The following CCT3 variants were observed in gnomAD, a reference collection of about 807,000 sequenced individuals.
The protein encoded by CCT3 is chaperonin containing TCP1 subunit 3.
Under a neutral mutation model 65.3 loss-of-function variants are expected in CCT3, and 10 were observed. That is an observed-to-expected ratio of 0.15 (90% CI 0.09 to 0.26). The LOEUF is 0.26. CCT3 is among the 10% of genes least tolerant of loss of function. The probability of loss-of-function intolerance (pLI) is 1.00; values close to 1 mark genes in which losing one functional copy is unlikely to be tolerated. For synonymous variants in CCT3, 225 were observed against 242.3 expected (o/e 0.93, Z 0.66); for missense variants, 626 against 708.7 (o/e 0.88, Z 1.33).
Position 156,320,890 on chromosome 1 carries a change from C to G in CCT3, c.558G>C (p.Glu186Asp). ...TGTCAATCTCTTTCCGACCATTCTC[C>G]TCAAACTGTACCATCTTGACAGCAT... is the stretch of plus-strand genomic sequence containing the variant. Reference protein sequence around the residue: ...ALDAVKMVQFEENGRKEIDIK... With the variant: ...ALDAVKMVQFDENGRKEIDIK... Residue 186 changes from glutamate to aspartate, a missense_variant, in exon 7 of 14, where the codon GAG (glutamate) becomes GAC (aspartate). Physicochemically the swap from Glu to Asp is conservative, Grantham distance 45. Transcript: ENST00000295688. 6.2e-7 allele frequency: 1 copy of G among 1,613,870 alleles called. No homozygotes were observed. The highest frequency in any genetic ancestry group is 8.5e-7 in the Non-Finnish European group (1 of 1,179,838).
At chr1:156,310,738 T>C (rs1329540603) in intron 12 of CCT3, 49 bp from the exon 13 acceptor site, 1 of 1,603,560 alleles carries the variant, frequency 6.2e-7, no homozygotes, top group Middle Eastern at 1.7e-4. Flanking sequence ...ACAGGAAACA[T>C]CAGGTAAGAA....
chr1:156,320,351 T>C (rs961585795), intron 7 of CCT3, among the ~76,000 whole-genome samples: 1 of 152,150 alleles, frequency 6.6e-6, no homozygotes, highest in Non-Finnish European at 1.5e-5. Flanking sequence ...GAGGCTACAG[T>C]GAGCCGAGAT....
At position 156,312,483 on chromosome 1, in the gene CCT3, G is replaced by C. The variant is rs149458251; in HGVS notation, c.975-262C>G. 2.2e-3 allele frequency among the ~76,000 whole-genome samples: 342 copies of C among 152,112 alleles called. 2 individuals carry two copies. The highest frequency in any genetic ancestry group is 7.8e-3 in the African/African-American group (322 of 41,492). ...GAGACCAGCCCGGGCAACATAACAA[G>C]ACTCTGTCTCTACAAAAAATAAAAA... On this transcript the variant is annotated intron_variant, in intron 10 of 13. Transcript: ENST00000295688.
chr1:156,335,068 A>C, intron 2 of CCT3, 150 bp from the exon 3 acceptor site: 2 of 638,802 alleles, frequency 3.1e-6, no homozygotes, highest in Non-Finnish European at 5.2e-6. Flanking sequence ...ATGGGGTCTC[A>C]CCATGTTGCT....
intron 8 of CCT3, among the ~76,000 whole-genome samples, chr1:156,317,975 G>C (rs1664383240): frequency 6.6e-6 from 1 of 152,076 alleles, no homozygotes; most frequent in South Asian, 2.1e-4. Flanking sequence ...GCCTCCCAAA[G>C]TGCTGGGATT....
rs58926932 is a variant in CCT3 at position 156,313,350 on chromosome 1, G to GAAAAAAA, written c.975-1136_975-1130dup. On this transcript the variant is annotated intron_variant, in intron 10 of 13. Coordinates refer to ENST00000295688, the MANE Select transcript of CCT3 (RefSeq NM_005998.5). ...TAAGATTCTGTCTCAAAAAAAAAAA[G>GAAAAAAA]AAAAAAAAAAAAAGAGAGAGAGAGA... Among the ~76,000 whole-genome samples the GAAAAAAA allele has an allele frequency of 7.9e-4, 84 of 106,740 alleles. 1 individual carries two copies. Among genetic ancestry groups the GAAAAAAA allele is most frequent in the African/African-American group, 2.4e-3 (73 of 30,876 alleles). 70.0% of individuals were successfully genotyped at this position (106,740 alleles called of 152,430 possible).
chr1:156,318,478 C>T (rs964986664), intron 8 of CCT3, among the ~76,000 whole-genome samples: 4 of 152,120 alleles, frequency 2.6e-5, no homozygotes, highest in Non-Finnish European at 4.4e-5. Context: ...CTTAGCCTCC[C>T]AAAGTGCTAG....
intron 7 of CCT3, 101 bp downstream of exon 7, chr1:156,320,733 AAAAAC>A: frequency 1.3e-5 from 12 of 905,766 alleles, no homozygotes; most frequent in Admixed American, 2.1e-5. Context: ...ACTCTGTCTC[AAAAAC>A]AAAACAAAAC....
intron 4 of CCT3, among the ~76,000 whole-genome samples, 197 bp from the exon 5 acceptor site, chr1:156,333,840 G>A (rs61814806): frequency 0.049 from 7,425 of 152,276 alleles, 264 homozygotes; most frequent in Middle Eastern, 0.099. Flanking sequence ...GGGAAAAAGT[G>A]TATTACATGA....
intron 7 of CCT3, 126 bp from the exon 8 acceptor site, chr1:156,319,143 C>G: frequency 1.3e-6 from 1 of 742,852 alleles, no homozygotes; most frequent in Non-Finnish European, 2.1e-6. Context: ...GATGGAGTCT[C>G]GCTCTGTCGC....
intron 10 of CCT3, 77 bp from the exon 11 acceptor site, chr1:156,312,298 A>G (rs1664119063): frequency 7.2e-7 from 1 of 1,391,176 alleles, no homozygotes. Flanking sequence ...TAGGGTCTGT[A>G]GCTAGGGATA....
intron 2 of CCT3, 45 bp from the exon 3 acceptor site, chr1:156,334,963 C>T (rs1295760015): frequency 5.7e-6 from 9 of 1,568,270 alleles, no homozygotes; most frequent in South Asian, 2.2e-5. Context: ...AATCAGAGGA[C>T]AGTGTGAGAA....
At chr1:156,334,652 G>C in intron 4 of CCT3, 61 bp downstream of exon 4, 1 of 1,502,696 alleles carries the variant, frequency 6.7e-7, no homozygotes, top group South Asian at 1.2e-5. Context: ...TATCTTAACA[G>C]GTCCTTTATG....
rs1664053467 is a variant in CCT3, at chr1:156,310,826, A to G, written c.1401+124T>C. On this transcript the variant is annotated intron_variant, in intron 12 of 13. Transcript: ENST00000295688. ...GACAGCAAACAAGTCAAAGACTAAA[A>G]GGAGAGAAAGATTTCAAGGAATAGA... 4.1e-6 allele frequency: 6 copies of G among 1,456,276 alleles called. No homozygotes were observed. The African/African-American group carries it at 5.7e-5, about 14-fold the overall frequency. The allele number at this position is 1,456,276 out of a possible 1,614,324, so 90.2% of individuals were successfully genotyped here.
At chr1:156,328,116 T>C (rs1306189890) in intron 5 of CCT3, among the ~76,000 whole-genome samples, 1 of 132,374 alleles carries the variant, frequency 7.6e-6, no homozygotes, top group Non-Finnish European at 1.6e-5. Flanking sequence ...GTCCGGGAGG[T>C]GAGGGGCGCC....
chr1:156,326,180 C>A (rs545282213), intron 5 of CCT3, among the ~76,000 whole-genome samples: 11 of 151,874 alleles, frequency 7.2e-5, no homozygotes, highest in Admixed American at 7.2e-4. Context: ...CGAAAAAATT[C>A]AAAAATTAGC....
At chr1:156,317,604 G>T in intron 8 of CCT3, 57 bp from the exon 9 acceptor site, 1 of 1,544,906 alleles carries the variant, frequency 6.5e-7, no homozygotes, top group Non-Finnish European at 8.8e-7. Context: ...GAAGCTCTAA[G>T]GGTCATATTA....
chr1:156,328,233 A>T (rs71519506), intron 5 of CCT3, among the ~76,000 whole-genome samples: 12 of 114,186 alleles, frequency 1.1e-4, no homozygotes, highest in African/African-American at 3.2e-4. Flanking sequence ...GGAGGGAGGT[A>T]GGGGGGTCAG....
At chr1:156,316,204 T>C (rs72710222) in intron 10 of CCT3, among the ~76,000 whole-genome samples, 36,873 of 152,168 alleles carry the variant, frequency 0.24, 4,963 homozygotes, top group Non-Finnish European at 0.29. Context: ...ATAGCATTTA[T>C]GCTATATTAG....
Sources: gnomAD v4.1 joint callset for allele counts (sites outside exome capture counted in the v4.1 genomes callset) on GRCh38, gnomAD v4.1.1 for gene constraint, MANE v1.5 for transcripts, NCBI Gene and HGNC (gene_info 2026-07-23, HGNC 2026-07-21) for gene names.